LPP: variants seen among roughly 807,000 people sequenced by gnomAD.
The protein encoded by LPP is lipoma-preferred partner.
A neutral mutation model predicts 60.4 loss-of-function variants in LPP; 38 were observed. That is an observed-to-expected ratio of 0.63 (90% confidence interval 0.49 to 0.83). The LOEUF (loss-of-function observed/expected upper bound fraction) is 0.83, where lower values mean the gene tolerates loss of function less well. LPP is among the 40% of genes least tolerant of loss of function. The pLI, the probability that LPP is intolerant of heterozygous loss-of-function variation, is 0.00. For missense variants in LPP, 902 were observed against 783.6 expected, an observed-to-expected ratio of 1.15 and a Z score of -1.80; for synonymous variants, 328 against 290.8, an observed-to-expected ratio of 1.13 and a Z score of -1.30.
chr3:188,773,238 T>C (rs1366397398), intron 9 of LPP, among the ~76,000 whole-genome samples: 1 of 152,144 alleles, frequency 6.6e-6, no homozygotes, highest in Non-Finnish European at 1.5e-5. Context: ...ATCTTTTTTT[T>C]GCTCTTGTCC....
chr3:188,490,400 T>C (rs1382680054), intron 5 of LPP, among the ~76,000 whole-genome samples: 2 of 152,130 alleles, frequency 1.3e-5, no homozygotes, highest in East Asian at 3.8e-4. Flanking sequence ...CTTATAATCT[T>C]TTTTCTTTTT....
intron 1 of LPP, among the ~76,000 whole-genome samples, chr3:188,194,508 C>CA (rs1729008536): frequency 6.6e-6 from 1 of 152,210 alleles, no homozygotes; most frequent in African/African-American, 2.4e-5. Flanking sequence ...ACTTTGGAGG[C>CA]AAGCTCTATC....
chr3:188,249,524 A>AAT (rs147420456), intron 2 of LPP, among the ~76,000 whole-genome samples: 2,932 of 151,842 alleles, frequency 0.019, 80 homozygotes, highest in African/African-American at 0.062. Flanking sequence ...CTCTGAAATA[A>AAT]ATATATATAT....
intron 7 of LPP, among the ~76,000 whole-genome samples, chr3:188,683,227 TA>T (rs1859919883): frequency 6.6e-6 from 1 of 152,062 alleles, no homozygotes; most frequent in South Asian, 2.1e-4. Context: ...AAGGGATGTC[TA>T]TACACATTCT....
Position 188,888,364 on chromosome 3 carries a change from A to C in LPP, c.*13885A>C, listed in dbSNP as rs984378498. ...CCCTGAGCCACGCACACAGGCTTTT[A>C]TTTCATGCCTTTTCTCTTTCTGTGC... On this transcript the variant is annotated 3_prime_UTR_variant, in exon 12 of 12. Coordinates refer to ENST00000617246, the MANE Select transcript of LPP (RefSeq NM_001375462.1). 5.7e-5 allele frequency: 13 copies of C among 228,298 alleles called. No homozygotes were observed. The Middle Eastern group carries it at 4.0e-3, about 71-fold the overall frequency. The allele number at this position is 228,298 out of a possible 1,614,324, so 14.1% of individuals were successfully genotyped here.
At chr3:188,639,456 GC>G (rs576032102) in intron 7 of LPP, among the ~76,000 whole-genome samples, 2,198 of 152,002 alleles carry the variant, frequency 0.014, 35 homozygotes, top group Middle Eastern at 0.095. Flanking sequence ...ATAGGCACGG[GC>G]AAGGACTTCA....
intron 4 of LPP, among the ~76,000 whole-genome samples, chr3:188,447,404 G>A (rs747360901): frequency 7.9e-5 from 12 of 152,062 alleles, no homozygotes; most frequent in South Asian, 2.1e-4. Flanking sequence ...GAGGTCAGGA[G>A]ATCGAGACCA....
intron 6 of LPP, among the ~76,000 whole-genome samples, chr3:188,581,954 CT>C (rs56339894): frequency 0.44 from 59,915 of 135,408 alleles, 14,295 homozygotes; most frequent in Non-Finnish European, 0.57. Flanking sequence ...TTTCGGTAGG[CT>C]TTTTTCAGAG....
At chr3:188,737,731 T>TA (rs750947795) in intron 8 of LPP, among the ~76,000 whole-genome samples, 4 of 152,152 alleles carry the variant, frequency 2.6e-5, no homozygotes, top group Non-Finnish European at 5.9e-5. Flanking sequence ...TTTGAATGTT[T>TA]AATAGCCTTA....
At position 188,885,096 on chromosome 3, in the gene LPP, TC is replaced by T. The variant is rs966299575; in HGVS notation, c.*10620del. On this transcript the variant is annotated 3_prime_UTR_variant, in exon 12 of 12. Transcript: ENST00000617246. ...CAAGTGTTCCTTCTCTTGAGCTGCG[TC>T]CCTCAGGAAGCTGTACCTTTAGGGT... 5.1e-5 allele frequency: 11 copies of T among 214,146 alleles called. No individual in the cohort carries two copies. The highest frequency in any genetic ancestry group is 2.5e-4 in the African/African-American group (11 of 44,232). 13.3% of individuals were successfully genotyped at this position (214,146 alleles called of 1,614,324 possible). A position where few individuals can be genotyped will look rare whatever the true frequency, so the allele number is the denominator to read the frequency against.
chr3:188,457,000 A>C (rs1797875533), intron 4 of LPP, among the ~76,000 whole-genome samples: 1 of 152,222 alleles, frequency 6.6e-6, no homozygotes, highest in African/African-American at 2.4e-5. Flanking sequence ...ATTATTTGGT[A>C]TCCAAAGCAG....
chr3:188,287,922 A>G (rs1744520962), intron 2 of LPP, among the ~76,000 whole-genome samples: 1 of 152,192 alleles, frequency 6.6e-6, no homozygotes, highest in Admixed American at 6.5e-5. Flanking sequence ...TGAGTATTTT[A>G]TCTGTCAGAT....
intron 11 of LPP, among the ~76,000 whole-genome samples, chr3:188,873,585 A>T (rs1560325363): frequency 6.7e-6 from 1 of 148,858 alleles, no homozygotes; most frequent in Admixed American, 6.7e-5. Flanking sequence ...AGTTCTTTGC[A>T]TTTTTTTTTT....
At chr3:188,284,762 A>G (rs964606085) in intron 2 of LPP, among the ~76,000 whole-genome samples, 3 of 152,192 alleles carry the variant, frequency 2.0e-5, no homozygotes, top group Admixed American at 6.5e-5. Flanking sequence ...TGACTGCGAG[A>G]GACAAAAACG....
intron 6 of LPP, among the ~76,000 whole-genome samples, chr3:188,578,131 T>C (rs900406616): frequency 4.6e-5 from 7 of 152,264 alleles, no homozygotes; most frequent in African/African-American, 1.4e-4. Context: ...GTGACCATCC[T>C]TGCCTACTAC....
At chr3:188,450,740 G>C (rs1796387655) in intron 4 of LPP, among the ~76,000 whole-genome samples, 1 of 27,078 alleles carries the variant, frequency 3.7e-5, no homozygotes, top group Admixed American at 5.4e-4. Flanking sequence ...GTGAGACTCT[G>C]TCTCAAAAAA....
chr3:188,431,168 G>C (rs1393521545), intron 4 of LPP, among the ~76,000 whole-genome samples: 1 of 152,084 alleles, frequency 6.6e-6, no homozygotes, highest in Admixed American at 6.6e-5. Context: ...GCCAGCCCAA[G>C]GTTGAGAACA....
rs199946974 is a variant in LPP, at chr3:188,165,279, GA to G, written c.-190+11039del. On this transcript the variant is annotated intron_variant, in intron 1 of 11. Coordinates refer to ENST00000617246, the MANE Select transcript of LPP (RefSeq NM_001375462.1). ...TTACAGAATAGACTCTGTCTGTCAGGAAAAAAAAAAAAGTCTGATGGCTCTA... is the reference window on the plus strand; with the variant it reads ...TTACAGAATAGACTCTGTCTGTCAGGAAAAAAAAAAAGTCTGATGGCTCTA... Among the ~76,000 whole-genome samples, 542 of 143,546 alleles carry G rather than the reference GA, an allele frequency of 3.8e-3. 4 individuals are homozygous for G. The highest frequency in any genetic ancestry group is 0.011 in the Middle Eastern group (3 of 280). The allele number at this position is 143,546 out of a possible 152,430, so 94.2% of individuals were successfully genotyped here. A position where few individuals can be genotyped will look rare whatever the true frequency, so the allele number is the denominator to read the frequency against.
chr3:188,342,789 A>G (rs1382667857), intron 3 of LPP, among the ~76,000 whole-genome samples: 3 of 152,160 alleles, frequency 2.0e-5, no homozygotes, highest in East Asian at 1.9e-4. Flanking sequence ...CATGATTTTC[A>G]AAGCTAATAT....
Sources: allele counts gnomAD v4.1 joint callset (sites outside exome capture counted in the v4.1 genomes callset), GRCh38; gene constraint gnomAD v4.1.1; transcripts MANE v1.5; gene names NCBI Gene and HGNC (gene_info 2026-07-23, HGNC 2026-07-21).